Variants in AUTS2 observed in about 807,000 individuals in gnomAD.
The protein encoded by AUTS2 is autism susceptibility gene 2 protein.
AUTS2 carries 17 observed loss-of-function variants against 112.4 expected under a neutral mutation model. That is an observed-to-expected ratio of 0.15 (90% CI 0.10 to 0.23). The LOEUF (loss-of-function observed/expected upper bound fraction) is 0.23, where lower values mean the gene tolerates loss of function less well. AUTS2 is among the 10% of genes least tolerant of loss of function. AUTS2 has a pLI of 1.00. For missense variants in AUTS2, 1,510 were observed against 1,701.6 expected, an observed-to-expected ratio of 0.89 and a Z score of 1.98; for synonymous variants, 751 against 702.7, an observed-to-expected ratio of 1.07 and a Z score of -1.09.
intron 6 of AUTS2, among the ~76,000 whole-genome samples, chr7:70,710,251 G>A (rs758115328): frequency 3.3e-5 from 5 of 151,868 alleles, no homozygotes; most frequent in African/African-American, 4.8e-5. Context: ...GGGCAGGGGC[G>A]AGATACCAGA....
intron 4 of AUTS2, among the ~76,000 whole-genome samples, chr7:70,349,728 C>T (rs1791663784): frequency 6.6e-6 from 1 of 151,670 alleles, no homozygotes; most frequent in African/African-American, 2.4e-5. Flanking sequence ...GATGGGTGGA[C>T]AAACCGAAGT....
rs374382170 is a variant in AUTS2, at chr7:70,735,713, T to C, written c.743-27157T>C. Reference sequence around the variant, plus strand: ...ATTTGGAGGATAGAGTGCCCAGGAGTGAGAGAATACTGTGTTATTAGAATG... The same window carrying C: ...ATTTGGAGGATAGAGTGCCCAGGAGCGAGAGAATACTGTGTTATTAGAATG... On this transcript the variant is annotated intron_variant, in intron 6 of 18. Coordinates refer to ENST00000342771, the MANE Select transcript of AUTS2 (RefSeq NM_015570.4). Among the ~76,000 whole-genome samples, 39 of 151,810 alleles carry C rather than the reference T, an allele frequency of 2.6e-4. No homozygotes were observed. The East Asian group carries it at 7.2e-3, about 28-fold the overall frequency.
chr7:70,096,243 A>G (rs1804191422), intron 2 of AUTS2, among the ~76,000 whole-genome samples: 2 of 152,292 alleles, frequency 1.3e-5, no homozygotes, highest in Non-Finnish European at 2.9e-5. Context: ...AATAATATGA[A>G]TGTATTAGAT....
rs115174680 is a variant in AUTS2, at chr7:70,780,458, C to A, written c.2005-1157C>A. Among the ~76,000 whole-genome samples the A allele has an allele frequency of 6.2e-3, 947 of 152,030 alleles. 11 individuals carry two copies. Among genetic ancestry groups the A allele is most frequent in the African/African-American group, 0.022 (913 of 41,464 alleles). Reference sequence around the variant, plus strand: ...TGGAGACAGCCTCGGTCACAGCAACCTCCGCCTCCTAGGTTCAAGCAATTC... The same window carrying A: ...TGGAGACAGCCTCGGTCACAGCAACATCCGCCTCCTAGGTTCAAGCAATTC... On this transcript the variant is annotated intron_variant, in intron 14 of 18. Transcript: ENST00000342771.
intron 5 of AUTS2, among the ~76,000 whole-genome samples, chr7:70,682,733 G>A (rs189292104): frequency 1.2e-3 from 183 of 152,364 alleles, no homozygotes; most frequent in Admixed American, 3.2e-3. Context: ...TTAGGGCAGG[G>A]CTCTGCAGAG....
rs148808242 is a variant in AUTS2, at chr7:69,624,370, C to T, written c.309+24408C>T. On this transcript the variant is annotated intron_variant, in intron 1 of 18. Coordinates refer to ENST00000342771, the MANE Select transcript of AUTS2 (RefSeq NM_015570.4). ...TTTAAAAAAAGTTCCTTCCTCCTCT[C>T]TATCCACCCAGAATAATCTCTCCTC... is the stretch of plus-strand genomic sequence containing the variant. Among the ~76,000 whole-genome samples, 10 of 152,296 alleles carry T rather than the reference C, an allele frequency of 6.6e-5. No individual in the cohort carries two copies. The East Asian group carries it at 1.9e-3, about 29-fold the overall frequency.
chr7:69,983,761 A>G (rs1197248459), intron 2 of AUTS2, among the ~76,000 whole-genome samples: 1 of 152,134 alleles, frequency 6.6e-6, no homozygotes, highest in African/African-American at 2.4e-5. Flanking sequence ...ATAAAATTTA[A>G]TAGGTAGGTG....
At chr7:70,246,249 T>G (rs984447027) in intron 4 of AUTS2, among the ~76,000 whole-genome samples, 2 of 152,142 alleles carry the variant, frequency 1.3e-5, no homozygotes, top group Non-Finnish European at 2.9e-5. Context: ...GAGTCTTGTT[T>G]TGAGAATTCA....
intron 2 of AUTS2, among the ~76,000 whole-genome samples, chr7:69,950,435 A>G (rs776982825): frequency 2.5e-4 from 38 of 152,124 alleles, no homozygotes; most frequent in Non-Finnish European, 2.5e-4. Flanking sequence ...TTTTTTCAAC[A>G]TAGTTTTTTT....
chr7:69,641,780 G>A (rs1794807881), intron 1 of AUTS2, among the ~76,000 whole-genome samples: 2 of 152,110 alleles, frequency 1.3e-5, no homozygotes, highest in South Asian at 4.1e-4. Flanking sequence ...AGTTTTTACA[G>A]AACCCTTTTC....
At chr7:69,799,406 A>C (rs998430705) in intron 1 of AUTS2, among the ~76,000 whole-genome samples, 1 of 152,154 alleles carries the variant, frequency 6.6e-6, no homozygotes, top group African/African-American at 2.4e-5. Context: ...GACCACAGTC[A>C]CAATGCCCAG....
chr7:69,636,954 AC>A (rs1241121911), intron 1 of AUTS2, among the ~76,000 whole-genome samples: 4 of 151,894 alleles, frequency 2.6e-5, no homozygotes, highest in Non-Finnish European at 5.9e-5. Context: ...TTTAGTAGAG[AC>A]GGGGTTTCAC....
intron 4 of AUTS2, among the ~76,000 whole-genome samples, chr7:70,368,152 T>C (rs1792672950): frequency 1.3e-5 from 2 of 152,218 alleles, no homozygotes; most frequent in Admixed American, 1.3e-4. Flanking sequence ...CAAGTTCTTC[T>C]GTGAGCCTCA....
intron 4 of AUTS2, among the ~76,000 whole-genome samples, chr7:70,171,753 C>T (rs189980506): frequency 2.6e-5 from 4 of 152,228 alleles, no homozygotes; most frequent in East Asian, 3.9e-4. Flanking sequence ...TTCAGCATTC[C>T]GGTAAATGGA....
chr7:69,638,927 C>T (rs1450318794), intron 1 of AUTS2, among the ~76,000 whole-genome samples: 1 of 152,210 alleles, frequency 6.6e-6, no homozygotes, highest in Non-Finnish European at 1.5e-5. Flanking sequence ...GTAGCTTTTG[C>T]ATACAGTGTT....
At chr7:70,015,250 TA>T (rs915161372) in intron 2 of AUTS2, among the ~76,000 whole-genome samples, 4 of 152,212 alleles carry the variant, frequency 2.6e-5, no homozygotes, top group Non-Finnish European at 5.9e-5. Flanking sequence ...GTATCCACAG[TA>T]AACCACACAC....
At chr7:70,163,037 A>G (rs985910202) in intron 4 of AUTS2, among the ~76,000 whole-genome samples, 3 of 152,006 alleles carry the variant, frequency 2.0e-5, no homozygotes, top group African/African-American at 7.2e-5. Flanking sequence ...TTTTTTTAAA[A>G]GAGATGACTT....
chr7:69,946,600 ACACACACG>A (rs1294345579), intron 2 of AUTS2, among the ~76,000 whole-genome samples: 2,198 of 127,344 alleles, frequency 0.017, 23 homozygotes, highest in Non-Finnish European at 0.028. Flanking sequence ...ACACACACAC[ACACACACG>A]CACGCACACA....
chr7:70,661,278 C>T (rs975045419), intron 5 of AUTS2, among the ~76,000 whole-genome samples: 1 of 152,082 alleles, frequency 6.6e-6, no homozygotes, highest in Non-Finnish European at 1.5e-5. Context: ...GAAGGTGTTT[C>T]TTGGATGCAC....
Sources: gnomAD v4.1 joint callset for allele counts (sites outside exome capture counted in the v4.1 genomes callset) on GRCh38, gnomAD v4.1.1 for gene constraint, MANE v1.5 for transcripts, NCBI Gene and HGNC (gene_info 2026-07-23, HGNC 2026-07-21) for gene names.